The following NLGN2 variants were observed in gnomAD, a reference collection of about 807,000 sequenced individuals.
NLGN2 encodes neuroligin-2.
A neutral mutation model predicts 48.6 loss-of-function variants in NLGN2; 11 were observed. That is an observed-to-expected ratio of 0.23 (90% CI 0.14 to 0.37). The LOEUF (loss-of-function observed/expected upper bound fraction) is 0.37, where lower values mean the gene tolerates loss of function less well. Ranked by LOEUF, NLGN2 falls within the 10% of genes least tolerant of loss-of-function variation. The pLI is 1.00. For synonymous variants in NLGN2, 548 were observed against 550.0 expected (o/e 1.00, Z 0.05); for missense variants, 801 against 1,225.2 (o/e 0.65, Z 5.17).
At position 7,417,136 on chromosome 17, in the gene NLGN2, C is replaced by T. The variant is rs751363510; in HGVS notation, c.1845C>T (p.Leu615=). ...VPHLHNLHTE[L]FTTTTRLPPY... ...ACCTGCACAACCTGCACACGGAGCT[C>T]TTCACCACCACCACGCGCCTGCCTC... Residue 615 remains leucine (L), a synonymous_variant, in exon 7 of 7, where the codon CTC becomes CTT. Transcript: ENST00000302926. 26 of 1,610,212 alleles carry T rather than the reference C, an allele frequency of 1.6e-5. No individual in the cohort carries two copies. The highest frequency in any genetic ancestry group is 3.4e-4 in the Middle Eastern group (2 of 5,962).
rs1289175674 is a variant in NLGN2, at chr17:7,414,330, C to CT, written c.509-14_509-13insT. 10 of 1,609,832 alleles carry CT rather than the reference C, an allele frequency of 6.2e-6. No homozygotes were observed. Among genetic ancestry groups the CT allele is most frequent in the Non-Finnish European group, 8.5e-6 (10 of 1,176,706 alleles). Reference sequence around the variant, plus strand: ...CTGACCCCCTGGCCCACCTGCCCACCCCTCCCCACACAGATATCCGTGACC... The same window carrying CT: ...CTGACCCCCTGGCCCACCTGCCCACCTCCTCCCCACACAGATATCCGTGACC... On this transcript the variant is annotated splice_polypyrimidine_tract_variant and intron_variant, in intron 2 of 6. Transcript: ENST00000302926.
chr17:7,408,102 T>G lies in NLGN2; in HGVS notation c.-154T>G. The G allele has an allele frequency of 2.5e-6, 1 of 405,786 alleles. No individual in the cohort carries two copies. Among genetic ancestry groups the G allele is most frequent in the East Asian group, 4.2e-5 (1 of 23,618 alleles). 25.1% of individuals were successfully genotyped at this position (405,786 alleles called of 1,614,324 possible). Reference sequence around the variant, plus strand: ...AGGAACAGACCCCTTCTCTGTCCAGTCTAACCCAGGTCCCTCCCCAACCCC... The same window carrying G: ...AGGAACAGACCCCTTCTCTGTCCAGGCTAACCCAGGTCCCTCCCCAACCCC... On this transcript the variant is annotated 5_prime_UTR_variant, in exon 1 of 7. Coordinates refer to ENST00000302926, the MANE Select transcript of NLGN2 (RefSeq NM_020795.4). This position sits in a 1 kb window ranked among gnomAD's most constrained non-coding sequence, Gnocchi z 7.5.
rs1012668622 is a variant in NLGN2, at chr17:7,411,488, C to T, written c.458-669C>T. On this transcript the variant is annotated intron_variant, in intron 1 of 6. Transcript: ENST00000302926. The surrounding 1 kb of genome is among the most constrained non-coding windows in gnomAD (Gnocchi z 4.5). ...AAGTGCTGGTGGTGAGGCTGGGTAG[C>T]GGGCGGGCAGCCCCAGCTGACCTTC... Among the ~76,000 whole-genome samples the T allele has an allele frequency of 2.6e-5, 4 of 152,152 alleles. No individual in the cohort carries two copies. The highest frequency in any genetic ancestry group is 4.8e-5 in the African/African-American group (2 of 41,432).
In NLGN2 at chr17:7,414,950, C is replaced by A; in HGVS notation, c.845-6C>A. The A allele has an allele frequency of 1.2e-6, 2 of 1,612,784 alleles. No homozygotes were observed. The highest frequency in any genetic ancestry group is 1.7e-6 in the Non-Finnish European group (2 of 1,180,012). The stretch of plus-strand genomic sequence containing the variant: ...AGCCTGGCCTGAGGTCTGCCTGTCC[C>A]GCCAGGGCTGTTCCAGAAGGCCATC... On this transcript the variant is annotated splice_polypyrimidine_tract_variant and splice_region_variant and intron_variant, in intron 4 of 6. Transcript: ENST00000302926.
At chr17:7,414,302 TCCCTGACC>T (rs1907008106) in intron 2 of NLGN2, 34 bp from the exon 3 acceptor site, 3 of 1,548,580 alleles carry the variant, frequency 1.9e-6, no homozygotes, top group Non-Finnish European at 2.6e-6. Flanking sequence ...TGTGTCCTTG[TCCCTGACC>T]CCCTGGCCCA....
intron 6 of NLGN2, among the ~76,000 whole-genome samples, chr17:7,416,387 G>A (rs975662334): frequency 6.6e-6 from 1 of 151,970 alleles, no homozygotes. Flanking sequence ...GACCCCCCTA[G>A]GGCTCTGCAT....
chr17:7,410,150 C>T (rs1001122140), intron 1 of NLGN2, among the ~76,000 whole-genome samples: 1 of 151,728 alleles, frequency 6.6e-6, no homozygotes, highest in African/African-American at 2.4e-5. Context: ...CAAACAAGTA[C>T]TCCAACACCA....
In NLGN2 at chr17:7,413,184, G is replaced by A. The variant is rs917509426; in HGVS notation, c.508+977G>A. Among the ~76,000 whole-genome samples the A allele has an allele frequency of 1.2e-4, 19 of 152,230 alleles. No individual in the cohort carries two copies. Among genetic ancestry groups the A allele is most frequent in the African/African-American group, 2.9e-4 (12 of 41,446 alleles). Reference sequence around the variant, plus strand: ...GTGCTGCCCACATAGAAGCTCTGGCGGAAGCAGTCAGGAGCATGGGGGCTG... The same window carrying A: ...GTGCTGCCCACATAGAAGCTCTGGCAGAAGCAGTCAGGAGCATGGGGGCTG... On this transcript the variant is annotated intron_variant, in intron 2 of 6. Transcript: ENST00000302926. This position sits in a 1 kb window ranked among gnomAD's most constrained non-coding sequence, Gnocchi z 4.9.
chr17:7,412,338 G>T (rs1906933988), intron 2 of NLGN2, 131 bp downstream of exon 2: 1 of 724,842 alleles, frequency 1.4e-6, no homozygotes, highest in Middle Eastern at 3.6e-4. Flanking sequence ...AAAAAGAAAA[G>T]AAAAGAAAAA....
In NLGN2 at chr17:7,408,537, C is replaced by T. The variant is rs763788852; in HGVS notation, c.282C>T (p.Pro94=). The change falls in exon 1 of 7, where the codon CCC becomes CCT. Residue 94 remains proline (P), a synonymous_variant. Coordinates refer to ENST00000302926, the MANE Select transcript of NLGN2 (RefSeq NM_020795.4). This position sits in a 1 kb window ranked among gnomAD's most constrained non-coding sequence, Gnocchi z 7.5. ...CGCCTGAGGCGCCCGCCTCGTGGCC[C>T]GGCGTGCGCAACGCCACCACCCTGC... ...FQPPEAPASW[P]GVRNATTLPP... is the part of the protein sequence containing the mutation. 18 of 1,540,506 alleles carry T rather than the reference C, an allele frequency of 1.2e-5. No homozygotes were observed. Among genetic ancestry groups the T allele is most frequent in the South Asian group, 6.0e-5 (5 of 83,748 alleles).
chr17:7,412,929 G>A (rs1241321282), intron 2 of NLGN2, among the ~76,000 whole-genome samples: 1 of 148,540 alleles, frequency 6.7e-6, no homozygotes, highest in Non-Finnish European at 1.5e-5. Flanking sequence ...TCTTGATCCT[G>A]TTTTTGTTGT....
At chr17:7,409,349 C>T (rs1231466703) in intron 1 of NLGN2, among the ~76,000 whole-genome samples, 1 of 152,072 alleles carries the variant, frequency 6.6e-6, no homozygotes, top group Non-Finnish European at 1.5e-5. Flanking sequence ...GCACAGCCCA[C>T]CCGTCTTCCC....
Position 7,410,956 on chromosome 17 carries a change from C to T in NLGN2, c.458-1201C>T, listed in dbSNP as rs530747182. On this transcript the variant is annotated intron_variant, in intron 1 of 6. Coordinates refer to ENST00000302926, the MANE Select transcript of NLGN2 (RefSeq NM_020795.4). ...GGGGCCATCACTGCCACTTAGGAGA[C>T]GCCTTCCAGAGCTTGCCTTGGCCTT... Among the ~76,000 whole-genome samples, 12 of 152,344 alleles carry T rather than the reference C, an allele frequency of 7.9e-5. No individual in the cohort carries two copies. In the South Asian group the frequency reaches 8.3e-4, roughly 11 times the overall value.
At chr17:7,412,102 C>T (rs1313506242) in intron 1 of NLGN2, 55 bp from the exon 2 acceptor site, 14 of 1,282,938 alleles carry the variant, frequency 1.1e-5, no homozygotes, top group African/African-American at 2.9e-5. Context: ...CCCCCGACCC[C>T]CATCTTTCCC....
At position 7,415,890 on chromosome 17, in the gene NLGN2, G is replaced by A. The variant is rs773531926; in HGVS notation, c.1417G>A (p.Asp473Asn). Residue 473 changes from aspartate to asparagine, a missense_variant, in exon 6 of 7, where the codon GAC becomes AAC. Coordinates refer to ENST00000302926, the MANE Select transcript of NLGN2 (RefSeq NM_020795.4). ...PAVATAKLHA[D>N]YQSPVYFYTF... ...TGTGGCCACTGCCAAGCTGCACGCC[G>A]ACTACCAGTCTCCCGTCTACTTTTA... 3 of 1,610,628 alleles carry A rather than the reference G, an allele frequency of 1.9e-6. No homozygotes were observed. Among genetic ancestry groups the A allele is most frequent in the Non-Finnish European group, 8.5e-7 (1 of 1,177,422 alleles).
chr17:7,417,329 G>A lies in NLGN2; in HGVS notation c.2038G>A (p.Val680Met), dbSNP rs1386248243. Residue 680 changes from valine (V) to methionine (M), a missense_variant, in exon 7 of 7, where the codon GTG becomes ATG. Val to Met is a conservative substitution (Grantham distance 21, BLOSUM62 1). Around this residue, in one of 5 missense-constraint regions of NLGN2, gnomAD observed 276 missense variants for 313.9 expected, o/e 0.88. Transcript: ENST00000302926. ...CTACTCCACGGAGCTGAGCGTCACCGTGGCCGTGGGTGCCTCCCTCCTCTT... is the reference window on the plus strand; with the variant it reads ...CTACTCCACGGAGCTGAGCGTCACCATGGCCGTGGGTGCCTCCCTCCTCTT... ...RDYSTELSVT[V>M]AVGASLLFLN... is the part of the protein sequence containing the mutation. 6 of 1,610,692 alleles carry A rather than the reference G, an allele frequency of 3.7e-6. No individual in the cohort carries two copies. The highest frequency in any genetic ancestry group is 2.2e-5 in the South Asian group (2 of 90,600).
rs1002143249 is a variant in NLGN2 at position 7,418,763 on chromosome 17, G to C, written c.*964G>C. 6.6e-6 allele frequency: 1 copy of C among 152,600 alleles called. No individual in the cohort carries two copies. The highest frequency in any genetic ancestry group is 2.1e-4 in the South Asian group (1 of 4,834). The allele number at this position is 152,600 out of a possible 1,614,324, so 9.5% of individuals were successfully genotyped here. On this transcript the variant is annotated 3_prime_UTR_variant, in exon 7 of 7. Coordinates refer to ENST00000302926, the MANE Select transcript of NLGN2 (RefSeq NM_020795.4). The stretch of plus-strand genomic sequence containing the variant: ...CTTGCTCCCGAGTTGGGGGGAGGGG[G>C]TGTGGCAACGTGCCCCCCGCAGAGG...
In NLGN2 at chr17:7,418,852, G is replaced by A. The variant is rs1295889181; in HGVS notation, c.*1053G>A. The A allele has an allele frequency of 6.5e-6, 1 of 152,712 alleles. No homozygotes were observed. The highest frequency in any genetic ancestry group is 1.9e-4 in the East Asian group (1 of 5,202). 9.5% of individuals were successfully genotyped at this position (152,712 alleles called of 1,614,324 possible). ...GACAGCCTTTTCCCCAGGCCTCAGA[G>A]CATTGCTCATCCGTGCCAAACTGGG... On this transcript the variant is annotated 3_prime_UTR_variant, in exon 7 of 7. Coordinates refer to ENST00000302926, the MANE Select transcript of NLGN2 (RefSeq NM_020795.4).
In NLGN2 at chr17:7,417,292, G is replaced by A. The variant is rs1354033397; in HGVS notation, c.2001G>A (p.Gly667=). The part of the protein sequence containing the change: ...PGPRAYDRFP[G]DSRDYSTELS... ...CAAGGGCCTATGACCGCTTCCCCGG[G>A]GACTCACGGGACTACTCCACGGAGC... The change falls in exon 7 of 7, where the codon GGG becomes GGA. Residue 667 remains glycine (G), a synonymous_variant. Transcript: ENST00000302926. The A allele has an allele frequency of 1.9e-6, 3 of 1,602,430 alleles. No individual in the cohort carries two copies. The Admixed American group carries it at 5.1e-5, about 27-fold the overall frequency.
Sources: allele counts gnomAD v4.1 joint callset (sites outside exome capture counted in the v4.1 genomes callset), GRCh38; gene constraint gnomAD v4.1.1; regional missense constraint gnomAD v4.1.1; non-coding constraint Gnocchi (gnomAD v3.1); transcripts MANE v1.5; gene names NCBI Gene and HGNC (gene_info 2026-07-23, HGNC 2026-07-21).